The following TTC39C variants were observed in gnomAD, a reference collection of about 807,000 sequenced individuals.
The protein encoded by TTC39C is tetratricopeptide repeat domain 39C, also known as tetratricopeptide repeat protein 39C.
Under a neutral mutation model 76.3 loss-of-function variants are expected in TTC39C, and 33 were observed. The ratio of observed to expected loss-of-function variants is 0.43; its 90% CI spans 0.33 to 0.58. The LOEUF is 0.58. TTC39C is among the 20% of genes least tolerant of loss of function. The pLI is 0.04. For missense variants in TTC39C, 595 were observed against 701.4 expected, an observed-to-expected ratio of 0.85 and a Z score of 1.71; for synonymous variants, 254 against 260.6, an observed-to-expected ratio of 0.97 and a Z score of 0.24.
intron 1 of TTC39C, among the ~76,000 whole-genome samples, chr18:24,045,892 A>AAAAAAAAAAAAATAT (rs1435790388): frequency 1.6e-5 from 1 of 61,230 alleles, no homozygotes; most frequent in African/African-American, 8.9e-5. Context: ...CTTCTGTGAA[A>AAAAAAAAAAAAATAT]ATATATATAT....
chr18:24,007,453 G>A (rs923081658), intron 1 of TTC39C, among the ~76,000 whole-genome samples: 29 of 152,094 alleles, frequency 1.9e-4, no homozygotes, highest in Non-Finnish European at 3.1e-4. Flanking sequence ...GCATGATCTC[G>A]GCTCGCTGCA....
intron 6 of TTC39C, among the ~76,000 whole-genome samples, chr18:24,103,006 G>A (rs1189768117): frequency 6.6e-6 from 1 of 152,142 alleles, no homozygotes; most frequent in Non-Finnish European, 1.5e-5. Context: ...GGAGGCTGAG[G>A]TGGGAGGATC....
At chr18:24,043,527 T>C (rs531485165) in intron 1 of TTC39C, among the ~76,000 whole-genome samples, 1 of 152,308 alleles carries the variant, frequency 6.6e-6, no homozygotes, top group East Asian at 1.9e-4. Flanking sequence ...ATGAACCAGG[T>C]TGGAGACACT....
intron 1 of TTC39C, among the ~76,000 whole-genome samples, chr18:24,062,314 T>C (rs9955166): frequency 0.98 from 149,427 of 152,312 alleles, 73,364 homozygotes; most frequent in Middle Eastern, 1. Context: ...AGGGAAAAGC[T>C]GCAGTACTCA....
intron 1 of TTC39C, among the ~76,000 whole-genome samples, chr18:24,028,395 G>A (rs189075219): frequency 6.6e-6 from 1 of 152,300 alleles, no homozygotes; most frequent in East Asian, 1.9e-4. Flanking sequence ...TTGAAATTGG[G>A]ATCTTTTCTC....
At chr18:24,038,437 C>T (rs941393973) in intron 1 of TTC39C, among the ~76,000 whole-genome samples, 2 of 152,128 alleles carry the variant, frequency 1.3e-5, no homozygotes, top group African/African-American at 2.4e-5. Context: ...CATGCACCAC[C>T]ATGCCCGGCT....
intron 8 of TTC39C, 151 bp downstream of exon 8, chr18:24,118,383 A>C: frequency 1.6e-6 from 1 of 612,116 alleles, no homozygotes; most frequent in Non-Finnish European, 2.8e-6. Context: ...CAACCAAGTA[A>C]ATAGTGCTAG....
rs2083703346 is a variant in TTC39C, at chr18:24,033,881, T to G, written c.167+18843T>G. Among the ~76,000 whole-genome samples the G allele has an allele frequency of 2.6e-5, 4 of 152,146 alleles. No homozygotes were observed. In the South Asian group the frequency reaches 8.3e-4, roughly 32 times the overall value. On this transcript the variant is annotated intron_variant, in intron 1 of 13. Transcript: ENST00000317571. ...CCTTCATTCCTAGTGATAGACCCAC[T>G]GACATTTTACTCAAAGGGATAATTG...
intron 9 of TTC39C, 93 bp downstream of exon 9, chr18:24,124,036 C>A: frequency 1.1e-6 from 1 of 891,176 alleles, no homozygotes; most frequent in East Asian, 2.7e-5. Context: ...ATATTCAAGG[C>A]TGCCTATTTA....
rs902155625 is a variant in TTC39C, at chr18:24,135,555, T to G, written c.*2981T>G. The G allele has an allele frequency of 6.5e-6, 1 of 153,198 alleles. No homozygotes were observed. The highest frequency in any genetic ancestry group is 2.4e-5 in the African/African-American group (1 of 41,444). The allele number at this position is 153,198 out of a possible 1,614,324, so 9.5% of individuals were successfully genotyped here. A position where few individuals can be genotyped will look rare whatever the true frequency, so the allele number is the denominator to read the frequency against. ...GGTAACTTGGTTTGGTGTAAACTGC[T>G]CTTAACCCTTTGCTGATGAAGAAAA... is the stretch of plus-strand genomic sequence containing the variant. On this transcript the variant is annotated 3_prime_UTR_variant, in exon 14 of 14. Coordinates refer to ENST00000317571, the MANE Select transcript of TTC39C (RefSeq NM_001135993.2).
At chr18:24,060,711 A>G (rs911697930) in intron 1 of TTC39C, among the ~76,000 whole-genome samples, 7 of 152,150 alleles carry the variant, frequency 4.6e-5, no homozygotes, top group African/African-American at 1.4e-4. Flanking sequence ...TTTCCTATGC[A>G]CAAAGTCCTG....
At chr18:24,081,676 C>T (rs1379072175) in intron 5 of TTC39C, among the ~76,000 whole-genome samples, 1 of 152,128 alleles carries the variant, frequency 6.6e-6, no homozygotes, top group Non-Finnish European at 1.5e-5. Flanking sequence ...ACCTCTATTT[C>T]TACTTGTATC....
At chr18:24,079,461 T>C (rs2084349198) in intron 4 of TTC39C, among the ~76,000 whole-genome samples, 1 of 152,192 alleles carries the variant, frequency 6.6e-6, no homozygotes, top group Non-Finnish European at 1.5e-5. Flanking sequence ...TAAGAAAAAT[T>C]GGCCTAACAG....
chr18:24,019,512 A>T (rs1341920331), intron 1 of TTC39C, among the ~76,000 whole-genome samples: 1 of 152,268 alleles, frequency 6.6e-6, no homozygotes, highest in Non-Finnish European at 1.5e-5. Context: ...GTGAGTGTAC[A>T]TCAAAGGAAT....
At chr18:24,004,100 G>A (rs552592676) in intron 1 of TTC39C, among the ~76,000 whole-genome samples, 1 of 152,186 alleles carries the variant, frequency 6.6e-6, no homozygotes, top group Non-Finnish European at 1.5e-5. Flanking sequence ...AGCAAGCACA[G>A]TGCAGAGGCA....
At chr18:24,119,768 C>T (rs975568339) in intron 8 of TTC39C, among the ~76,000 whole-genome samples, 3 of 152,172 alleles carry the variant, frequency 2.0e-5, no homozygotes, top group South Asian at 2.1e-4. Context: ...TGTTGAGTGA[C>T]TCAGTGTGTT....
intron 7 of TTC39C, among the ~76,000 whole-genome samples, 181 bp from the exon 8 acceptor site, chr18:24,117,944 A>C (rs1413692012): frequency 1.3e-5 from 2 of 152,206 alleles, no homozygotes; most frequent in Non-Finnish European, 2.9e-5. Flanking sequence ...TGTCAAATTC[A>C]AACTTTACAT....
chr18:24,005,628 T>C (rs1480903262), intron 1 of TTC39C, among the ~76,000 whole-genome samples: 1 of 151,878 alleles, frequency 6.6e-6, no homozygotes, highest in Non-Finnish European at 1.5e-5. Context: ...GGAGCATCTC[T>C]TGAGGCCAGG....
rs550086532 is a variant in TTC39C at position 24,117,632 on chromosome 18, G to T, written c.1079-493G>T. 8.6e-5 allele frequency among the ~76,000 whole-genome samples: 13 copies of T among 151,926 alleles called. No individual in the cohort carries two copies. The South Asian group carries it at 2.7e-3, about 32-fold the overall frequency. On this transcript the variant is annotated intron_variant, in intron 7 of 13. Transcript: ENST00000317571. ...CGGGAGAATTGCTTGAACCCAGGGAGCAGAGGTTGCAGTGAGCCGAGATCG... is the reference window on the plus strand; with the variant it reads ...CGGGAGAATTGCTTGAACCCAGGGATCAGAGGTTGCAGTGAGCCGAGATCG...
Sources: gnomAD v4.1 joint callset for allele counts (sites outside exome capture counted in the v4.1 genomes callset) on GRCh38, gnomAD v4.1.1 for gene constraint, MANE v1.5 for transcripts, NCBI Gene and HGNC (gene_info 2026-07-23, HGNC 2026-07-21) for gene names.